The following CRPPA variants were observed in gnomAD, a reference collection of about 807,000 sequenced individuals.
CRPPA encodes D-ribitol-5-phosphate cytidylyltransferase.
A neutral mutation model predicts 52.0 loss-of-function variants in CRPPA; 43 were observed. The observed-to-expected ratio is 0.83, with a 90% CI of 0.65 to 1.07. The LOEUF (loss-of-function observed/expected upper bound fraction) is 1.07. CRPPA is among the 50% of genes least tolerant of loss of function. The probability of loss-of-function intolerance (pLI) is 0.00; values close to 1 mark genes in which losing one functional copy is unlikely to be tolerated. For synonymous variants in CRPPA, 250 were observed against 203.5 expected, an observed-to-expected ratio of 1.23 and a Z score of -1.94; for missense variants, 629 against 551.7, an observed-to-expected ratio of 1.14 and a Z score of -1.40.
At chr7:16,189,581 T>A (rs1347646080) in intron 9 of CRPPA, among the ~76,000 whole-genome samples, 1 of 152,196 alleles carries the variant, frequency 6.6e-6, no homozygotes, top group Non-Finnish European at 1.5e-5. Context: ...GAATGAATAT[T>A]CATGATGTTG....
chr7:16,377,183 A>G (rs1406149118), intron 2 of CRPPA, among the ~76,000 whole-genome samples: 2 of 152,210 alleles, frequency 1.3e-5, no homozygotes, highest in Non-Finnish European at 2.9e-5. Flanking sequence ...AAGCAAATGT[A>G]TGAGCCAAAG....
At chr7:16,389,918 A>ATATATATATAT (rs1244722979) in intron 2 of CRPPA, among the ~76,000 whole-genome samples, 13 of 62,988 alleles carry the variant, frequency 2.1e-4, no homozygotes, top group African/African-American at 8.5e-4. Context: ...GTATACAAAA[A>ATATATATATAT]AAAAAAAAAA....
At chr7:16,274,345 C>T (rs1363226989) in intron 6 of CRPPA, among the ~76,000 whole-genome samples, 1 of 152,076 alleles carries the variant, frequency 6.6e-6, no homozygotes, top group East Asian at 1.9e-4. Flanking sequence ...CCACACCCGG[C>T]CTGTTGTGGC....
intron 9 of CRPPA, among the ~76,000 whole-genome samples, chr7:16,205,446 A>T (rs896873446): frequency 1.3e-5 from 2 of 152,144 alleles, no homozygotes; most frequent in East Asian, 3.9e-4. Flanking sequence ...TAAAAATTAC[A>T]CCCCCCACAC....
At chr7:16,178,061 CA>C (rs5882558) in intron 9 of CRPPA, among the ~76,000 whole-genome samples, 65,884 of 136,578 alleles carry the variant, frequency 0.48, 14,416 homozygotes, top group South Asian at 0.63. Context: ...TAAAAGAAGG[CA>C]AAAAAAAAAA....
intron 5 of CRPPA, among the ~76,000 whole-genome samples, chr7:16,298,401 C>G (rs181964327): frequency 6.6e-6 from 1 of 152,180 alleles, no homozygotes; most frequent in Non-Finnish European, 1.5e-5. Flanking sequence ...GGTTAACATT[C>G]TCTTTCCCAA....
intron 9 of CRPPA, among the ~76,000 whole-genome samples, chr7:16,186,379 G>A (rs867377700): frequency 2.4e-4 from 36 of 152,144 alleles, no homozygotes; most frequent in African/African-American, 7.5e-4. Context: ...TTTCCGCCAC[G>A]TGCGTGTACA....
rs1418861315 is a variant in CRPPA, at chr7:16,258,417, G to A, written c.1092C>T (p.Cys364=). 1.2e-6 allele frequency: 2 copies of A among 1,605,146 alleles called. No individual in the cohort carries two copies. Among genetic ancestry groups the A allele is most frequent in the African/African-American group, 2.7e-5 (2 of 74,526 alleles). Reference sequence around the variant, plus strand: ...AAACAACAACAACAGGATATAAAATGCAAAGACTACTCTCTTCAAGCATGC... The same window carrying A: ...AAACAACAACAACAGGATATAAAATACAAAGACTACTCTCTTCAAGCATGC... ...LLSMLEESSL[C]ILYPVVVVSV... The change falls in exon 8 of 10, where the codon TGC becomes TGT. Residue 364 remains cysteine (C), a synonymous_variant. Coordinates refer to ENST00000407010, the MANE Select transcript of CRPPA (RefSeq NM_001101426.4).
At chr7:16,379,247 C>T (rs1005626180) in intron 2 of CRPPA, among the ~76,000 whole-genome samples, 8 of 152,080 alleles carry the variant, frequency 5.3e-5, no homozygotes, top group African/African-American at 1.7e-4. Flanking sequence ...TTAGGTCTAA[C>T]GTTTAAGTCT....
At chr7:16,282,487 G>T (rs551284208) in intron 5 of CRPPA, among the ~76,000 whole-genome samples, 10 of 152,146 alleles carry the variant, frequency 6.6e-5, no homozygotes, top group Non-Finnish European at 1.3e-4. Flanking sequence ...AAGAAAGGGT[G>T]ACGGAAAAGG....
At chr7:16,377,576 A>C (rs1211326577) in intron 2 of CRPPA, among the ~76,000 whole-genome samples, 1 of 152,248 alleles carries the variant, frequency 6.6e-6, no homozygotes, top group Non-Finnish European at 1.5e-5. Context: ...AACCATTAAA[A>C]GCCTCTGAAA....
At chr7:16,339,456 A>T (rs1177078195) in intron 3 of CRPPA, among the ~76,000 whole-genome samples, 1 of 152,212 alleles carries the variant, frequency 6.6e-6, no homozygotes, top group African/African-American at 2.4e-5. Flanking sequence ...TCACATGATC[A>T]TATCAATAGA....
At chr7:16,142,048 G>A (rs1006919330) in intron 9 of CRPPA, among the ~76,000 whole-genome samples, 7 of 151,796 alleles carry the variant, frequency 4.6e-5, no homozygotes, top group African/African-American at 1.2e-4. Flanking sequence ...ATATGTACAC[G>A]TGAACAGAAT....
intron 8 of CRPPA, among the ~76,000 whole-genome samples, chr7:16,255,631 T>C (rs752182141): frequency 2.6e-4 from 40 of 151,946 alleles, no homozygotes; most frequent in Non-Finnish European, 5.1e-4. Context: ...ACCTCAGAAA[T>C]AATACCACAC....
At chr7:16,353,495 T>A (rs10251171) in intron 3 of CRPPA, among the ~76,000 whole-genome samples, 47,400 of 152,080 alleles carry the variant, frequency 0.31, 7,700 homozygotes, top group African/African-American at 0.38. Flanking sequence ...GGTGATCTAT[T>A]GCATAGCATG....
chr7:16,153,145 G>A (rs1038638592), intron 9 of CRPPA, among the ~76,000 whole-genome samples: 6 of 151,886 alleles, frequency 4.0e-5, no homozygotes, highest in Admixed American at 2.6e-4. Flanking sequence ...TGCCAATTTT[G>A]GCTTATCAAA....
intron 9 of CRPPA, 26 bp downstream of exon 9, chr7:16,216,040 A>T (rs769716000): frequency 6.5e-7 from 1 of 1,543,212 alleles, no homozygotes; most frequent in East Asian, 2.3e-5. Context: ...CAGAACATAC[A>T]TTCGGAAGAT....
intron 9 of CRPPA, among the ~76,000 whole-genome samples, chr7:16,163,531 G>A (rs1780967161): frequency 6.6e-6 from 1 of 152,070 alleles, no homozygotes; most frequent in African/African-American, 2.4e-5. Flanking sequence ...GGTTAATATT[G>A]TTATGTGTGA....
chr7:16,189,038 G>C (rs1422005579), intron 9 of CRPPA, among the ~76,000 whole-genome samples: 1 of 152,080 alleles, frequency 6.6e-6, no homozygotes, highest in Non-Finnish European at 1.5e-5. Flanking sequence ...CAAACATTTA[G>C]TATGTTCCAA....
Sources: allele counts gnomAD v4.1 joint callset (sites outside exome capture counted in the v4.1 genomes callset), GRCh38; gene constraint gnomAD v4.1.1; transcripts MANE v1.5; gene names NCBI Gene and HGNC (gene_info 2026-07-23, HGNC 2026-07-21).